The following SENP5 variants were observed in gnomAD, a reference collection of about 807,000 sequenced individuals.
SENP5 encodes sentrin-specific protease 5.
A neutral mutation model predicts 74.2 loss-of-function variants in SENP5; 21 were observed. The ratio of observed to expected loss-of-function variants is 0.28; its 90% CI spans 0.20 to 0.41. The LOEUF (loss-of-function observed/expected upper bound fraction) is 0.41. Ranked by LOEUF, SENP5 falls within the 10% of genes least tolerant of loss-of-function variation. The pLI is 1.00. For missense variants in SENP5, 717 were observed against 889.1 expected (o/e 0.81, Z 2.46); for synonymous variants, 311 against 312.7 (o/e 0.99, Z 0.06).
At position 196,886,080 on chromosome 3, in the gene SENP5, C is replaced by G. The variant is rs148425489; in HGVS notation, c.899C>G (p.Ser300Cys). ...CCTTCCCCAGAACCTAAAGACCCTT[C>G]TTGTCGGCATCAGCCGTACTTTCCA... ...PFPSPEPKDP[S>C]CRHQPYFPDM... Residue 300 changes from serine to cysteine, a missense_variant, in exon 2 of 10, where the codon TCT becomes TGT. Physicochemically the swap from Ser to Cys is moderately radical, Grantham distance 112 (BLOSUM62 -1). This residue lies in a region of SENP5 where 567 missense variants were observed against 577.4 expected (regional missense o/e 0.98). Coordinates refer to ENST00000323460, the MANE Select transcript of SENP5 (RefSeq NM_152699.5). The G allele has an allele frequency of 3.1e-6, 5 of 1,614,116 alleles. No homozygotes were observed. The African/African-American group carries it at 6.7e-5, about 22-fold the overall frequency.
chr3:196,914,130 G>A (rs1275351643), intron 6 of SENP5: 1 of 152,138 alleles, frequency 6.6e-6, no homozygotes, highest in Non-Finnish European at 1.5e-5. Context: ...ATATTCAGGG[G>A]TCAGTGATCT....
At chr3:196,912,546 ACT>A (rs143853717) in intron 6 of SENP5, 3,856 of 149,982 alleles carry the variant, frequency 0.026, 75 homozygotes, top group Non-Finnish European at 0.044. Flanking sequence ...ACAGAGCAAG[ACT>A]CTGTCTCAAT....
intron 6 of SENP5, among the ~76,000 whole-genome samples, chr3:196,904,716 G>GA (rs1157820403): frequency 4.6e-5 from 7 of 152,258 alleles, no homozygotes; most frequent in Non-Finnish European, 1.0e-4. Context: ...TTGAACATGG[G>GA]AGGTGGAGGT....
At chr3:196,925,412 C>T (rs1715777419) in intron 7 of SENP5, among the ~76,000 whole-genome samples, 1 of 152,190 alleles carries the variant, frequency 6.6e-6, no homozygotes. Flanking sequence ...TTTCTCTCAA[C>T]CAACATATTC....
At chr3:196,887,459 C>T (rs963728609) in intron 2 of SENP5, among the ~76,000 whole-genome samples, 2 of 151,572 alleles carry the variant, frequency 1.3e-5, no homozygotes, top group East Asian at 1.9e-4. Context: ...GGATTACAGG[C>T]GTGAGACACC....
chr3:196,922,261 G>A (rs1560160549), intron 6 of SENP5, among the ~76,000 whole-genome samples: 1 of 152,134 alleles, frequency 6.6e-6, no homozygotes, highest in East Asian at 1.9e-4. Context: ...TATTAGTTGC[G>A]GAAATCAAGG....
chr3:196,898,927 A>T (rs1313071279), intron 2 of SENP5, among the ~76,000 whole-genome samples: 1 of 151,750 alleles, frequency 6.6e-6, no homozygotes, highest in East Asian at 1.9e-4. Context: ...AAATACAAAA[A>T]AATTAGCCGG....
chr3:196,925,392 A>AT (rs760102384), intron 7 of SENP5, among the ~76,000 whole-genome samples: 27 of 152,120 alleles, frequency 1.8e-4, no homozygotes, highest in Non-Finnish European at 1.6e-4. Flanking sequence ...CCTTCCCCTA[A>AT]TTCCTTGCCT....
intron 2 of SENP5, among the ~76,000 whole-genome samples, chr3:196,890,919 A>G (rs921803594): frequency 2.6e-5 from 4 of 152,196 alleles, no homozygotes; most frequent in African/African-American, 9.7e-5. Flanking sequence ...GGGAAAAGGG[A>G]TAGATTCCTG....
chr3:196,889,985 A>T (rs1714136800), intron 2 of SENP5, among the ~76,000 whole-genome samples: 1 of 152,224 alleles, frequency 6.6e-6, no homozygotes, highest in South Asian at 2.1e-4. Context: ...AGGACAAGAG[A>T]CAGGATACTC....
intron 1 of SENP5, among the ~76,000 whole-genome samples, chr3:196,884,467 G>C (rs745939562): frequency 6.6e-5 from 10 of 152,154 alleles, no homozygotes; most frequent in South Asian, 2.1e-4. Flanking sequence ...AGAAAGAAAG[G>C]CACCAGTCAC....
intron 1 of SENP5, among the ~76,000 whole-genome samples, chr3:196,876,171 C>A (rs1290416851): frequency 2.6e-5 from 4 of 152,136 alleles, no homozygotes; most frequent in African/African-American, 9.7e-5. Flanking sequence ...TCTGTTTACA[C>A]CCTCCTTAAT....
In SENP5 at chr3:196,885,275, T is replaced by A. The variant is rs755320946; in HGVS notation, c.94T>A (p.Tyr32Asn). ...NTGFGGFKKFYFHQHLCILKA... is the reference protein window; with the variant it reads ...NTGFGGFKKFNFHQHLCILKA... ...TGGGTTTGGAGGCTTTAAGAAGTTT[T>A]ATTTTCACCAACACTTGTGCATTCT... is the stretch of plus-strand genomic sequence containing the variant. Residue 32 changes from tyrosine to asparagine, a missense_variant, in exon 2 of 10, where the codon TAT becomes AAT. Coordinates refer to ENST00000323460, the MANE Select transcript of SENP5 (RefSeq NM_152699.5). 1 of 1,614,212 alleles carries A rather than the reference T, an allele frequency of 6.2e-7. No homozygotes were observed. Among genetic ancestry groups the A allele is most frequent in the South Asian group, 1.1e-5 (1 of 91,086 alleles).
At chr3:196,876,713 CA>C (rs34016373) in intron 1 of SENP5, among the ~76,000 whole-genome samples, 51,326 of 108,112 alleles carry the variant, frequency 0.47, 10,273 homozygotes, top group Non-Finnish European at 0.54. Context: ...CGTATTTCTA[CA>C]AAAAAAAAAA....
intron 5 of SENP5, among the ~76,000 whole-genome samples, chr3:196,902,781 CTG>C (rs1714750069): frequency 2.6e-5 from 4 of 152,238 alleles, no homozygotes; most frequent in Non-Finnish European, 5.9e-5. Context: ...ACCTGATACT[CTG>C]TACAGCCAGG....
At chr3:196,913,568 C>CAA (rs1259959436) in intron 6 of SENP5, among the ~76,000 whole-genome samples, 19 of 58,012 alleles carry the variant, frequency 3.3e-4, no homozygotes, top group African/African-American at 9.7e-4. Context: ...GACTCCATCT[C>CAA]AAAAAAAAAA....
chr3:196,929,411 T>G (rs1362993883), intron 8 of SENP5: 6 of 446,864 alleles, frequency 1.3e-5, no homozygotes, highest in Non-Finnish European at 2.0e-5. Context: ...TTTCTCATAT[T>G]TAGGTAAAAC....
At chr3:196,890,666 G>T (rs1298828308) in intron 2 of SENP5, among the ~76,000 whole-genome samples, 1 of 152,212 alleles carries the variant, frequency 6.6e-6, no homozygotes, top group East Asian at 1.9e-4. Flanking sequence ...TTAAGTTCTT[G>T]CTTCGCTTTA....
At position 196,870,084 on chromosome 3, in the gene SENP5, G is replaced by A. The variant is rs939899475; in HGVS notation, c.-32+2011G>A. Among the ~76,000 whole-genome samples, 3 of 152,218 alleles carry A rather than the reference G, an allele frequency of 2.0e-5. No homozygotes were observed. The South Asian group carries it at 6.2e-4, about 32-fold the overall frequency. ...GTGCTTCTCTAGTTGCCAAACATCT[G>A]ATTGAAGTAGATCACCTTGGCATTT... On this transcript the variant is annotated intron_variant, in intron 1 of 9. Coordinates refer to ENST00000323460, the MANE Select transcript of SENP5 (RefSeq NM_152699.5).
Sources: gnomAD v4.1 joint callset for allele counts (sites outside exome capture counted in the v4.1 genomes callset) on GRCh38, gnomAD v4.1.1 for gene constraint, gnomAD v4.1.1 regional missense constraint, MANE v1.5 for transcripts, NCBI Gene and HGNC (gene_info 2026-07-23, HGNC 2026-07-21) for gene names.